The following KCNAB1 variants were observed in gnomAD, a reference collection of about 807,000 sequenced individuals.
The protein encoded by KCNAB1 is potassium voltage-gated channel subfamily A regulatory beta subunit 1, also known as voltage-gated potassium channel subunit beta-1.
In KCNAB1, 35 loss-of-function variants were observed where a neutral mutation model predicts 64.6. The ratio of observed to expected loss-of-function variants is 0.54; its 90% CI spans 0.41 to 0.72. The LOEUF (loss-of-function observed/expected upper bound fraction) is 0.72. KCNAB1 is among the 30% of genes least tolerant of loss of function. The pLI is 0.00. For missense variants in KCNAB1, 401 were observed against 512.9 expected, an observed-to-expected ratio of 0.78 and a Z score of 2.11; for synonymous variants, 177 against 183.8, an observed-to-expected ratio of 0.96 and a Z score of 0.30.
intron 2 of KCNAB1, among the ~76,000 whole-genome samples, chr3:156,434,272 G>A (rs149043514): frequency 1.3e-3 from 203 of 152,312 alleles, no homozygotes; most frequent in African/African-American, 4.7e-3. Flanking sequence ...AGATGGCAAG[G>A]TGGTGAGGGT....
chr3:156,239,768 T>C (rs1717059459), intron 1 of KCNAB1, among the ~76,000 whole-genome samples: 1 of 152,230 alleles, frequency 6.6e-6, no homozygotes. Context: ...ATATCAGTCC[T>C]TGGGAAAGGA....
chr3:156,162,041 A>C (rs2108311251), intron 1 of KCNAB1, among the ~76,000 whole-genome samples: 1 of 152,338 alleles, frequency 6.6e-6, no homozygotes, highest in South Asian at 2.1e-4. Context: ...TTTGGTCTTG[A>C]TATTGAAAGC....
chr3:156,282,416 G>A (rs1176901101), intron 1 of KCNAB1, among the ~76,000 whole-genome samples: 4 of 146,352 alleles, frequency 2.7e-5, no homozygotes, highest in African/African-American at 5.1e-5. Context: ...TAGGTGTGGT[G>A]TGGTGCTGAA....
At chr3:156,283,891 C>G (rs1677001076) in intron 1 of KCNAB1, among the ~76,000 whole-genome samples, 1 of 151,448 alleles carries the variant, frequency 6.6e-6, no homozygotes, top group South Asian at 2.1e-4. Context: ...AAGTTTTCAA[C>G]TTCTTTGCCT....
chr3:156,437,781 G>A (rs182010902), intron 2 of KCNAB1, among the ~76,000 whole-genome samples: 3 of 152,262 alleles, frequency 2.0e-5, no homozygotes, highest in Admixed American at 2.0e-4. Flanking sequence ...TTTGGTCAGG[G>A]CGAAAGACCC....
At chr3:156,186,691 C>T (rs138004845) in intron 1 of KCNAB1, among the ~76,000 whole-genome samples, 257 of 152,184 alleles carry the variant, frequency 1.7e-3, no homozygotes, top group African/African-American at 5.9e-3. Flanking sequence ...AGTCTCCATC[C>T]CTCTAGGAAC....
intron 4 of KCNAB1, 22 bp downstream of exon 4, chr3:156,457,554 T>C (rs749174979): frequency 4.4e-6 from 7 of 1,598,174 alleles, no homozygotes; most frequent in Non-Finnish European, 5.1e-6. Context: ...CCTGTTTGTG[T>C]CACTCAAATG....
At chr3:156,459,630 C>T (rs1335142513) in intron 4 of KCNAB1, among the ~76,000 whole-genome samples, 197 bp from the exon 5 acceptor site, 1 of 151,926 alleles carries the variant, frequency 6.6e-6, no homozygotes, top group Non-Finnish European at 1.5e-5. Context: ...TTGGCAGGTG[C>T]TTCTGGAATG....
intron 7 of KCNAB1, among the ~76,000 whole-genome samples, chr3:156,472,865 T>C (rs903420233): frequency 6.6e-6 from 1 of 152,054 alleles, no homozygotes; most frequent in African/African-American, 2.4e-5. Context: ...CAATACATGC[T>C]CATGGGATGG....
intron 1 of KCNAB1, among the ~76,000 whole-genome samples, chr3:156,186,671 C>G (rs1426188396): frequency 2.6e-5 from 4 of 152,056 alleles, no homozygotes; most frequent in Admixed American, 2.6e-4. Context: ...CTCCTTGCAC[C>G]CTAGCTTTCA....
chr3:156,235,310 T>C (rs1411121221), intron 1 of KCNAB1, among the ~76,000 whole-genome samples: 2 of 152,256 alleles, frequency 1.3e-5, no homozygotes, highest in African/African-American at 2.4e-5. Flanking sequence ...ACCATGGTTC[T>C]TCCTTCATGT....
At chr3:156,236,832 C>A (rs1051530821) in intron 1 of KCNAB1, among the ~76,000 whole-genome samples, 10 of 152,110 alleles carry the variant, frequency 6.6e-5, no homozygotes, top group Admixed American at 6.5e-4. Flanking sequence ...GAATTATATA[C>A]CCAGTCTAAG....
intron 1 of KCNAB1, among the ~76,000 whole-genome samples, chr3:156,376,509 A>AT (rs781065362): frequency 2.0e-5 from 3 of 152,264 alleles, no homozygotes; most frequent in Non-Finnish European, 2.9e-5. Context: ...AGTGAAAAAA[A>AT]GCAAGGACCA....
chr3:156,245,442 A>T (rs1479834587), intron 1 of KCNAB1, among the ~76,000 whole-genome samples: 2 of 152,124 alleles, frequency 1.3e-5, no homozygotes, highest in Non-Finnish European at 2.9e-5. Context: ...ATTGACATTG[A>T]TATAATCCAC....
chr3:156,501,155 C>T (rs1295888488), intron 8 of KCNAB1, among the ~76,000 whole-genome samples: 1 of 152,184 alleles, frequency 6.6e-6, no homozygotes. Context: ...CCATAGTCAG[C>T]TTCCATTCTC....
At chr3:156,486,289 C>T (rs1015840923) in intron 8 of KCNAB1, among the ~76,000 whole-genome samples, 2 of 152,110 alleles carry the variant, frequency 1.3e-5, no homozygotes, top group African/African-American at 2.4e-5. Flanking sequence ...CCCTTCTGCT[C>T]TTACCCTACT....
intron 1 of KCNAB1, among the ~76,000 whole-genome samples, chr3:156,229,061 C>T (rs1393745154): frequency 6.6e-6 from 1 of 152,120 alleles, no homozygotes; most frequent in Non-Finnish European, 1.5e-5. Flanking sequence ...GGGGTCTCAG[C>T]CCTGAACACA....
At chr3:156,320,427 G>A (rs540085493) in intron 1 of KCNAB1, among the ~76,000 whole-genome samples, 5 of 152,268 alleles carry the variant, frequency 3.3e-5, no homozygotes, top group East Asian at 3.9e-4. Context: ...GAAGTTCTTC[G>A]CCCAAATATG....
chr3:156,526,675 C>T (rs1356900672), intron 12 of KCNAB1, among the ~76,000 whole-genome samples: 1 of 152,196 alleles, frequency 6.6e-6, no homozygotes, highest in African/African-American at 2.4e-5. Context: ...ACCTCAGGCT[C>T]ACTCTCACTG....
Sources: allele counts gnomAD v4.1 joint callset (sites outside exome capture counted in the v4.1 genomes callset), GRCh38; gene constraint gnomAD v4.1.1; transcripts MANE v1.5; gene names NCBI Gene and HGNC (gene_info 2026-07-23, HGNC 2026-07-21).